Variants in STX8 observed in about 807,000 individuals in gnomAD.
STX8 encodes syntaxin-8.
Under a neutral mutation model 37.5 loss-of-function variants are expected in STX8, and 23 were observed. That is an observed-to-expected ratio of 0.61 (90% CI 0.44 to 0.87). The LOEUF (loss-of-function observed/expected upper bound fraction) is 0.87. STX8 is among the 40% of genes least tolerant of loss of function. The pLI is 0.00. For synonymous variants in STX8, 115 were observed against 99.1 expected, an observed-to-expected ratio of 1.16 and a Z score of -0.95; for missense variants, 313 against 284.7, an observed-to-expected ratio of 1.10 and a Z score of -0.71.
chr17:9,331,755 T>C (rs1909968401), intron 7 of STX8, among the ~76,000 whole-genome samples: 1 of 152,138 alleles, frequency 6.6e-6, no homozygotes. Flanking sequence ...GCCCTGTTTT[T>C]CCTCCGCCTG....
intron 6 of STX8, among the ~76,000 whole-genome samples, chr17:9,487,324 A>G (rs1906641655): frequency 6.6e-6 from 1 of 152,168 alleles, no homozygotes; most frequent in Admixed American, 6.5e-5. Context: ...TCACATGCAG[A>G]TACTTGCAGC....
At chr17:9,427,969 T>C (rs527468351) in intron 6 of STX8, among the ~76,000 whole-genome samples, 1 of 152,294 alleles carries the variant, frequency 6.6e-6, no homozygotes, top group East Asian at 1.9e-4. Flanking sequence ...CTCCAGGATA[T>C]ACTGACATCA....
chr17:9,424,470 C>T (rs909640245), intron 6 of STX8, among the ~76,000 whole-genome samples: 6 of 152,104 alleles, frequency 3.9e-5, no homozygotes, highest in African/African-American at 1.4e-4. Flanking sequence ...TCCAGGCCCT[C>T]TCTCTGCCTG....
chr17:9,316,108 G>A (rs1567780794), intron 7 of STX8, among the ~76,000 whole-genome samples: 1 of 152,036 alleles, frequency 6.6e-6, no homozygotes, highest in Non-Finnish European at 1.5e-5. Flanking sequence ...GTCTACTGTA[G>A]GACATGCTCA....
intron 4 of STX8, among the ~76,000 whole-genome samples, chr17:9,521,209 C>A (rs567827236): frequency 1.3e-5 from 2 of 152,274 alleles, no homozygotes; most frequent in South Asian, 4.1e-4. Flanking sequence ...GTCAGAGAGG[C>A]AGGCCAAAAG....
At chr17:9,372,977 G>A (rs1170068431) in intron 7 of STX8, among the ~76,000 whole-genome samples, 1 of 151,034 alleles carries the variant, frequency 6.6e-6, no homozygotes, top group Non-Finnish European at 1.5e-5. Context: ...GGTGGTGCAT[G>A]CCTGTAATCC....
At chr17:9,506,405 G>GCCCCCCCGCCCCCGCGCCCCCCCCCCCCC (rs1471640649) in intron 4 of STX8, among the ~76,000 whole-genome samples, 1 of 8,932 alleles carries the variant, frequency 1.1e-4, no homozygotes, top group African/African-American at 4.0e-4. Context: ...GTGCTCACCC[G>GCCCCCCCGCCCCCGCGCCCCCCCCCCCCC]CTCCCCCCCC....
At chr17:9,379,003 G>A (rs569100292) in intron 6 of STX8, among the ~76,000 whole-genome samples, 1 of 152,270 alleles carries the variant, frequency 6.6e-6, no homozygotes, top group African/African-American at 2.4e-5. Flanking sequence ...CCAGCACTTT[G>A]GAAGGCTGAG....
At chr17:9,318,226 C>T (rs977859004) in intron 7 of STX8, among the ~76,000 whole-genome samples, 4 of 152,168 alleles carry the variant, frequency 2.6e-5, no homozygotes, top group African/African-American at 9.7e-5. Context: ...CACCCATCAA[C>T]TCATCATTTA....
intron 7 of STX8, among the ~76,000 whole-genome samples, chr17:9,324,333 G>C (rs1909686305): frequency 6.6e-6 from 1 of 152,064 alleles, no homozygotes; most frequent in Admixed American, 6.6e-5. Context: ...TTGAGTGAGT[G>C]GTCTTTTTTC....
intron 7 of STX8, among the ~76,000 whole-genome samples, chr17:9,300,858 G>T (rs1279849982): frequency 4.6e-5 from 5 of 108,848 alleles, no homozygotes; most frequent in Admixed American, 1.3e-4. Context: ...TTTTTGAGAC[G>T]GAGTCTCACT....
intron 7 of STX8, among the ~76,000 whole-genome samples, chr17:9,337,998 T>C (rs1175713658): frequency 6.6e-6 from 1 of 150,582 alleles, no homozygotes; most frequent in African/African-American, 2.4e-5. Flanking sequence ...CGGAAACCAG[T>C]GCTGAGGAGT....
At chr17:9,544,346 TC>T (rs1224389495) in intron 4 of STX8, among the ~76,000 whole-genome samples, 2 of 152,022 alleles carry the variant, frequency 1.3e-5, no homozygotes, top group East Asian at 3.9e-4. Context: ...GCCCGACCCG[TC>T]CTCCAGGTCT....
intron 4 of STX8, among the ~76,000 whole-genome samples, chr17:9,539,490 A>G (rs1323775750): frequency 1.3e-5 from 2 of 152,228 alleles, no homozygotes; most frequent in African/African-American, 4.8e-5. Context: ...GTTCTCTAAC[A>G]GTAAATGTGT....
intron 6 of STX8, among the ~76,000 whole-genome samples, chr17:9,461,598 G>A (rs746943176): frequency 6.6e-6 from 1 of 152,172 alleles, no homozygotes; most frequent in Non-Finnish European, 1.5e-5. Context: ...GAGAAAGCTG[G>A]TGCTTGTGGT....
rs118018936 is a variant in STX8, at chr17:9,341,329, G to C, written c.643+37223C>G. On this transcript the variant is annotated intron_variant, in intron 7 of 7. Transcript: ENST00000306357. ...CAATGAATAAAGAGAAGGAGGCATG[G>C]CTTCTCTTCCAAAGATACATATATT... Among the ~76,000 whole-genome samples the C allele has an allele frequency of 6.4e-3, 978 of 152,276 alleles. 5 individuals are homozygous for C. The highest frequency in any genetic ancestry group is 0.017 in the Middle Eastern group (5 of 294).
chr17:9,495,634 C>A (rs1235387887), intron 5 of STX8, among the ~76,000 whole-genome samples: 5 of 152,148 alleles, frequency 3.3e-5, no homozygotes, highest in African/African-American at 1.2e-4. Context: ...AGAAAGAGAA[C>A]TAAAAGTTCT....
chr17:9,430,059 AATATATATATTCTATATAATAT>A (rs1913886627), intron 6 of STX8, among the ~76,000 whole-genome samples: 1 of 61,900 alleles, frequency 1.6e-5, no homozygotes, highest in Non-Finnish European at 2.9e-5. Flanking sequence ...TATTCTATAT[AATATATATATTCTATATAATAT>A]ATATATTCTA....
intron 7 of STX8, among the ~76,000 whole-genome samples, chr17:9,318,823 T>C (rs1343335001): frequency 1.3e-5 from 2 of 152,040 alleles, no homozygotes; most frequent in South Asian, 2.1e-4. Context: ...TTCAACAAAA[T>C]GTGAAAACTG....
Sources: gnomAD v4.1 joint callset for allele counts (sites outside exome capture counted in the v4.1 genomes callset) on GRCh38, gnomAD v4.1.1 for gene constraint, MANE v1.5 for transcripts, NCBI Gene and HGNC (gene_info 2026-07-23, HGNC 2026-07-21) for gene names.